The following LARGE1 variants were observed in gnomAD, a reference collection of about 807,000 sequenced individuals.
The protein encoded by LARGE1 is xylosyl- and glucuronyltransferase LARGE1.
Under a neutral mutation model 87.6 loss-of-function variants are expected in LARGE1, and 43 were observed. That is an observed-to-expected ratio of 0.49 (90% confidence interval 0.38 to 0.63). LARGE1 has a LOEUF of 0.63. LARGE1 is among the 30% of genes least tolerant of loss of function. The probability of loss-of-function intolerance (pLI) is 0.00; values close to 1 mark genes in which losing one functional copy is unlikely to be tolerated. For missense variants in LARGE1, 802 were observed against 1,000.2 expected (o/e 0.80, Z 2.67); for synonymous variants, 434 against 394.6 (o/e 1.10, Z -1.18).
chr22:33,421,728 G>A (rs1298162024), intron 7 of LARGE1, among the ~76,000 whole-genome samples: 1 of 152,196 alleles, frequency 6.6e-6, no homozygotes, highest in Non-Finnish European at 1.5e-5. Flanking sequence ...GTGAACTGGT[G>A]CTCAGAGACT....
intron 6 of LARGE1, chr22:33,562,971 G>C (rs1041415780): frequency 2.0e-5 from 3 of 152,706 alleles, no homozygotes; most frequent in African/African-American, 7.2e-5. Context: ...TGAAAGGGAA[G>C]GGGAGAAAGC....
chr22:33,137,980 C>G, the LARGE1 span, among the ~76,000 whole-genome samples: 2 of 152,176 alleles, frequency 1.3e-5, no homozygotes, highest in African/African-American at 4.8e-5. Context: ...CCCAGTGGGG[C>G]TCCATCTAGT....
intron 2 of LARGE1, among the ~76,000 whole-genome samples, chr22:33,669,954 A>G (rs1024951340): frequency 3.9e-5 from 6 of 152,334 alleles, no homozygotes; most frequent in South Asian, 4.1e-4. Flanking sequence ...GCCTTTTGCT[A>G]TAACTAGGGA....
chr22:33,633,780 G>T (rs2080180100), intron 3 of LARGE1, among the ~76,000 whole-genome samples: 1 of 152,216 alleles, frequency 6.6e-6, no homozygotes, highest in Non-Finnish European at 1.5e-5. Flanking sequence ...CTTTTGGTGG[G>T]GTTGAGGGGG....
intron 9 of LARGE1, among the ~76,000 whole-genome samples, chr22:33,372,390 A>T (rs2064842452): frequency 6.6e-6 from 1 of 152,216 alleles, no homozygotes; most frequent in African/African-American, 2.4e-5. Flanking sequence ...CATGTTGCTG[A>T]TAAAGACATA....
intron 1 of LARGE1, among the ~76,000 whole-genome samples, chr22:33,842,738 G>A (rs1054150814): frequency 1.3e-5 from 2 of 152,168 alleles, no homozygotes; most frequent in South Asian, 4.1e-4. Context: ...GCTGCAGGTG[G>A]CTATTGAGAC....
At chr22:33,596,649 C>T (rs2148943830) in intron 5 of LARGE1, among the ~76,000 whole-genome samples, 1 of 152,286 alleles carries the variant, frequency 6.6e-6, no homozygotes, top group African/African-American at 2.4e-5. Context: ...CCTCTGATGA[C>T]AGGTCGGCAG....
At chr22:33,542,085 C>T (rs1444891741) in intron 6 of LARGE1, among the ~76,000 whole-genome samples, 2 of 142,752 alleles carry the variant, frequency 1.4e-5, no homozygotes, top group Non-Finnish European at 3.0e-5. Flanking sequence ...ACCCTTGAAC[C>T]AAGGAGGTAG....
chr22:33,709,809 A>G (rs900262957), intron 2 of LARGE1, among the ~76,000 whole-genome samples: 2 of 151,162 alleles, frequency 1.3e-5, no homozygotes, highest in Non-Finnish European at 3.0e-5. Context: ...TATTTTTTGT[A>G]CAGACGGGGG....
intron 2 of LARGE1, among the ~76,000 whole-genome samples, chr22:33,670,942 G>A (rs926383364): frequency 1.3e-5 from 2 of 152,170 alleles, no homozygotes; most frequent in African/African-American, 4.8e-5. Flanking sequence ...TACGGGTGCT[G>A]TGAAAAAATT....
At chr22:33,459,366 G>A (rs570961401) in intron 6 of LARGE1, among the ~76,000 whole-genome samples, 24 of 151,924 alleles carry the variant, frequency 1.6e-4, no homozygotes, top group Admixed American at 5.2e-4. Context: ...TGTGGATCGA[G>A]GAGCATGATC....
intron 5 of LARGE1, among the ~76,000 whole-genome samples, chr22:33,599,323 A>G (rs1483167946): frequency 6.6e-6 from 1 of 152,164 alleles, no homozygotes; most frequent in Admixed American, 6.5e-5. Context: ...ATCATGAGAG[A>G]TGAGTGACAG....
chr22:33,536,021 A>T (rs1458813891), intron 6 of LARGE1, among the ~76,000 whole-genome samples: 5 of 152,198 alleles, frequency 3.3e-5, no homozygotes, highest in Non-Finnish European at 7.4e-5. Flanking sequence ...AAAAGTCCGC[A>T]TGGTCACTTA....
chr22:33,693,753 G>T (rs902232254), intron 2 of LARGE1, among the ~76,000 whole-genome samples: 2 of 152,146 alleles, frequency 1.3e-5, no homozygotes, highest in African/African-American at 4.8e-5. Context: ...GAACCCCGGA[G>T]GCGGAAGTTG....
At chr22:33,560,816 AC>A (rs970386986) in intron 6 of LARGE1, among the ~76,000 whole-genome samples, 10 of 119,692 alleles carry the variant, frequency 8.4e-5, no homozygotes, top group African/African-American at 1.8e-4. Flanking sequence ...AGTTTATTTA[AC>A]TTTTTTTTTT....
intron 2 of LARGE1, among the ~76,000 whole-genome samples, chr22:33,740,335 T>C (rs925171909): frequency 2.6e-4 from 39 of 152,198 alleles, no homozygotes; most frequent in Admixed American, 2.6e-3. Context: ...TAAATGGCAA[T>C]AGTGAGTCCT....
chr22:33,293,507 T>C (rs1006149388), intron 12 of LARGE1, among the ~76,000 whole-genome samples: 1 of 152,204 alleles, frequency 6.6e-6, no homozygotes, highest in Non-Finnish European at 1.5e-5. Context: ...ACAAGATGTA[T>C]TGGGACCAAG....
At chr22:33,625,610 A>G (rs2079896403) in intron 4 of LARGE1, among the ~76,000 whole-genome samples, 1 of 152,222 alleles carries the variant, frequency 6.6e-6, no homozygotes, top group African/African-American at 2.4e-5. Context: ...GGATAAAACA[A>G]GAGACATTTA....
At chr22:33,720,467 T>C (rs955105223) in intron 2 of LARGE1, among the ~76,000 whole-genome samples, 1 of 152,164 alleles carries the variant, frequency 6.6e-6, no homozygotes, top group African/African-American at 2.4e-5. Context: ...GGCTATACTA[T>C]ATAGGCTAGG....
Sources: allele counts gnomAD v4.1 joint callset (sites outside exome capture counted in the v4.1 genomes callset), GRCh38; gene constraint gnomAD v4.1.1; transcripts MANE v1.5; gene names NCBI Gene and HGNC (gene_info 2026-07-23, HGNC 2026-07-21).